TDP1: variants seen among roughly 807,000 people sequenced by gnomAD.
TDP1 encodes the protein tyr-DNA phosphodiesterase 1.
Under a neutral mutation model 81.5 loss-of-function variants are expected in TDP1, and 64 were observed. That is an observed-to-expected ratio of 0.79 (90% CI 0.64 to 0.97). The LOEUF (loss-of-function observed/expected upper bound fraction) is 0.97. Ranked by LOEUF, TDP1 falls within the 50% of genes least tolerant of loss-of-function variation. The pLI, the probability that TDP1 is intolerant of heterozygous loss-of-function variation, is 0.00. For synonymous variants in TDP1, 256 were observed against 264.3 expected (o/e 0.97, Z 0.30); for missense variants, 723 against 743.8 (o/e 0.97, Z 0.33).
intron 3 of TDP1, among the ~76,000 whole-genome samples, chr14:89,965,499 C>CTGGCATCTAACATACA (rs1892834912): frequency 6.6e-6 from 1 of 152,146 alleles, no homozygotes; most frequent in South Asian, 2.1e-4. Context: ...AACAGGTCTC[C>CTGGCATCTAACATACA]ACAGATGTGG....
At chr14:89,983,602 A>G (rs1353160531) in intron 8 of TDP1, among the ~76,000 whole-genome samples, 1 of 152,174 alleles carries the variant, frequency 6.6e-6, no homozygotes, top group Non-Finnish European at 1.5e-5. Flanking sequence ...GTAACACCTG[A>G]TACTTTTGAC....
chr14:89,986,348 G>A (rs144791555), intron 10 of TDP1, among the ~76,000 whole-genome samples: 191 of 152,340 alleles, frequency 1.3e-3, no homozygotes, highest in African/African-American at 4.4e-3. Flanking sequence ...CATCTATAAA[G>A]TGGACATAAT....
In TDP1 at chr14:89,963,659, C is replaced by CCCT; in HGVS notation, c.548_550dup (p.Leu183dup). 1.2e-6 allele frequency: 2 copies of CCCT among 1,613,954 alleles called. No individual in the cohort carries two copies. Among genetic ancestry groups the CCCT allele is most frequent in the Non-Finnish European group, 1.7e-6 (2 of 1,179,894 alleles). On this transcript the variant is annotated inframe_insertion, in exon 3 of 17. Transcript: ENST00000335725. ...GTTAAGCCAAAGTATAACTCTGGAG[C>CCCT]CCTCCACATCAAGGGTAAGAGGATG... is the stretch of plus-strand genomic sequence containing the variant.
In TDP1 at chr14:90,012,689, G is replaced by C. The variant is rs111698266; in HGVS notation, c.1542-6627G>C. Among the ~76,000 whole-genome samples the C allele has an allele frequency of 3.9e-3, 589 of 152,150 alleles. 2 individuals carry two copies. The highest frequency in any genetic ancestry group is 0.014 in the African/African-American group (569 of 41,552). On this transcript the variant is annotated intron_variant, in intron 14 of 16. Transcript: ENST00000335725. ...AATATGGGGTAGGAACCCCCACACA[G>C]AGTCCCTACTGGGGCACTGCCTAGT... is the stretch of plus-strand genomic sequence containing the variant.
In TDP1 at chr14:89,989,763, C is replaced by G; in HGVS notation, c.1364C>G (p.Pro455Arg). The change falls in exon 12 of 17, where the codon CCT (proline) becomes CGT (arginine). Residue 455 changes from proline (P) to arginine (R), a missense_variant and splice_region_variant. Coordinates refer to ENST00000335725, the MANE Select transcript of TDP1 (RefSeq NM_018319.4). The stretch of plus-strand genomic sequence containing the variant: ...GTGCGGACCAGTTTAGAAGGATATC[C>G]TGGTAATTCTTGGGGAGACTGTCTT... ...ENVRTSLEGYPAGGSLPYSIQ... is the reference protein window; with the variant it reads ...ENVRTSLEGYRAGGSLPYSIQ... 6.2e-7 allele frequency: 1 copy of G among 1,607,186 alleles called. No homozygotes were observed. The highest frequency in any genetic ancestry group is 2.2e-5 in the East Asian group (1 of 44,792).
chr14:90,037,590 T>C (rs1020635736), intron 16 of TDP1, among the ~76,000 whole-genome samples: 4 of 152,222 alleles, frequency 2.6e-5, no homozygotes, highest in Non-Finnish European at 5.9e-5. Flanking sequence ...TGCACACTCT[T>C]TACCCAAGTT....
intron 14 of TDP1, among the ~76,000 whole-genome samples, chr14:90,012,059 T>G (rs975540143): frequency 6.6e-6 from 1 of 152,224 alleles, no homozygotes; most frequent in South Asian, 2.1e-4. Flanking sequence ...TTGTGCAGTC[T>G]TGGGACTTGG....
rs1897060636 is a variant in TDP1 at position 90,000,099 on chromosome 14, G to A, written c.1541+6616G>A. Among the ~76,000 whole-genome samples, 3 of 152,250 alleles carry A rather than the reference G, an allele frequency of 2.0e-5. No individual in the cohort carries two copies. In the South Asian group the frequency reaches 6.2e-4, roughly 32 times the overall value. The stretch of plus-strand genomic sequence containing the variant: ...CACGGTTGCTTGTGGCTGTAAGCCT[G>A]ACGTTCCTGCTTTCTTGTTGGCTGT... On this transcript the variant is annotated intron_variant, in intron 14 of 16. Coordinates refer to ENST00000335725, the MANE Select transcript of TDP1 (RefSeq NM_018319.4).
chr14:90,032,531 A>G (rs1887401341), intron 15 of TDP1, among the ~76,000 whole-genome samples: 1 of 152,168 alleles, frequency 6.6e-6, no homozygotes, highest in South Asian at 2.1e-4. Context: ...ACATCAGCCT[A>G]GATATAGAAC....
At chr14:89,999,118 T>C (rs1454353484) in intron 14 of TDP1, among the ~76,000 whole-genome samples, 1 of 152,220 alleles carries the variant, frequency 6.6e-6, no homozygotes, top group African/African-American at 2.4e-5. Context: ...GATAATTTTT[T>C]GTTATACAAG....
chr14:90,042,261 A>G (rs990120810), intron 16 of TDP1, among the ~76,000 whole-genome samples: 2 of 152,194 alleles, frequency 1.3e-5, no homozygotes, highest in Non-Finnish European at 2.9e-5. Flanking sequence ...TGGCTGTACC[A>G]ACTATTACTG....
intron 7 of TDP1, among the ~76,000 whole-genome samples, chr14:89,976,596 G>A (rs1566862669): frequency 1.4e-5 from 2 of 143,872 alleles, no homozygotes; most frequent in African/African-American, 5.2e-5. Context: ...GAGTGCAGTG[G>A]CACAATCTTG....
intron 15 of TDP1, 61 bp from the exon 16 acceptor site, chr14:90,033,045 G>GTTT: frequency 2.9e-6 from 3 of 1,025,412 alleles, no homozygotes; most frequent in African/African-American, 1.6e-5. Context: ...AGGCCTTCTG[G>GTTT]TTTTTTTTTT....
chr14:90,028,707 A>T (rs1481229641), intron 15 of TDP1, among the ~76,000 whole-genome samples: 1 of 152,194 alleles, frequency 6.6e-6, no homozygotes, highest in African/African-American at 2.4e-5. Flanking sequence ...TTTTGTAATA[A>T]CCTAGAATTT....
intron 14 of TDP1, among the ~76,000 whole-genome samples, chr14:90,017,460 C>A (rs1206927770): frequency 6.6e-6 from 1 of 152,144 alleles, no homozygotes; most frequent in African/African-American, 2.4e-5. Flanking sequence ...AAATCTGTTA[C>A]AAGCCAAATA....
Position 89,963,396 on chromosome 14 carries a change from T to A in TDP1, c.282T>A (p.Asp94Glu). Residue 94 changes from aspartate to glutamate, a missense_variant, in exon 3 of 17, where the codon GAT (aspartate) becomes GAA (glutamate). Asp to Glu is a conservative substitution (Grantham distance 45). Transcript: ENST00000335725. ...GCTGGTGTCTGTCCAGCAGTGATGA[T>A]GAGCTGCAACCAGAAATGCCGCAGA... is the stretch of plus-strand genomic sequence containing the variant. The part of the protein sequence containing the change: ...DLGWCLSSSD[D>E]ELQPEMPQKQ... The A allele has an allele frequency of 3.1e-6, 5 of 1,614,180 alleles. No homozygotes were observed. The highest frequency in any genetic ancestry group is 3.3e-4 in the Middle Eastern group (2 of 6,062).
At chr14:89,957,642 T>C (rs559362183) in intron 2 of TDP1, among the ~76,000 whole-genome samples, 1 of 152,336 alleles carries the variant, frequency 6.6e-6, no homozygotes, top group Non-Finnish European at 1.5e-5. Context: ...GAGGAAACAC[T>C]AGTAGCTCTA....
rs1200585514 is a variant in TDP1, at chr14:90,044,641, TC to T, written c.*1500del. On this transcript the variant is annotated 3_prime_UTR_variant, in exon 17 of 17. Transcript: ENST00000335725. ...GACAGGGCTGCAGGGCCTCCCACCT[TC>T]CAACAGACAGGCTCTGCTGTATCTG... 4 of 152,264 alleles carry T rather than the reference TC, an allele frequency of 2.6e-5. No homozygotes were observed. Among genetic ancestry groups the T allele is most frequent in the African/African-American group, 9.7e-5 (4 of 41,434 alleles). 9.4% of individuals were successfully genotyped at this position (152,264 alleles called of 1,614,324 possible).
chr14:89,964,912 A>G, intron 3 of TDP1: 1 of 430,202 alleles, frequency 2.3e-6, no homozygotes. Flanking sequence ...TCTGCACTTT[A>G]GAAAAGTGCC....
Sources: gnomAD v4.1 joint callset for allele counts (sites outside exome capture counted in the v4.1 genomes callset) on GRCh38, gnomAD v4.1.1 for gene constraint, MANE v1.5 for transcripts, NCBI Gene and HGNC (gene_info 2026-07-23, HGNC 2026-07-21) for gene names.